The following ANKRD18B variants were observed in gnomAD, a reference collection of about 807,000 sequenced individuals.
ANKRD18B encodes ankyrin repeat domain 18B.
Under a neutral mutation model 111.8 loss-of-function variants are expected in ANKRD18B, and 75 were observed. That is an observed-to-expected ratio of 0.67 (90% confidence interval 0.56 to 0.81). The LOEUF is 0.81. ANKRD18B is among the 40% of genes least tolerant of loss of function. ANKRD18B has a pLI of 0.00. For missense variants in ANKRD18B, 1,038 were observed against 1,225.5 expected, an observed-to-expected ratio of 0.85 and a Z score of 2.28; for synonymous variants, 356 against 417.3, an observed-to-expected ratio of 0.85 and a Z score of 1.79.
At chr9:33,559,380 A>G (rs1004263405) in intron 14 of ANKRD18B, among the ~76,000 whole-genome samples, 20 of 152,130 alleles carry the variant, frequency 1.3e-4, no homozygotes, top group Admixed American at 1.3e-3. Flanking sequence ...CAAAAAATAT[A>G]TATTTGGGGG....
chr9:33,536,896 G>A lies in ANKRD18B; in HGVS notation c.759G>A (p.Leu253=), dbSNP rs1257050180. 9.4e-6 allele frequency: 14 copies of A among 1,492,522 alleles called. No homozygotes were observed. Among genetic ancestry groups the A allele is most frequent in the Non-Finnish European group, 9.0e-6 (10 of 1,111,834 alleles). 92.5% of individuals were successfully genotyped at this position (1,492,522 alleles called of 1,614,324 possible). ...TGCATAGCATCCAACAACAAATTTTGGAACATAAAAATAAGATGCTTAAAA... is the reference window on the plus strand; with the variant it reads ...TGCATAGCATCCAACAACAAATTTTAGAACATAAAAATAAGATGCTTAAAA... The part of the protein sequence containing the change: ...CDLRSIQQQI[L]EHKNKMLKNH... The change falls in exon 6 of 19, where the codon TTG becomes TTA. Residue 253 remains leucine (L), a synonymous_variant. Transcript: ENST00000684830.
At chr9:33,574,053 G>C (rs1828823169), downstream of ANKRD18B, among the ~76,000 whole-genome samples, 1 of 144,508 alleles carries the variant, frequency 6.9e-6, no homozygotes, top group South Asian at 2.3e-4. Flanking sequence ...TGGTCAGTGA[G>C]AGCCTGGTCA....
intron 1 of ANKRD18B, among the ~76,000 whole-genome samples, chr9:33,526,051 A>G (rs1001082789): frequency 5.3e-5 from 8 of 152,166 alleles, no homozygotes; most frequent in African/African-American, 1.7e-4. Context: ...TGTTTCTCCT[A>G]AGAGAATTTA....
chr9:33,553,997 A>G (rs1587270383), intron 12 of ANKRD18B, among the ~76,000 whole-genome samples: 1 of 151,570 alleles, frequency 6.6e-6, no homozygotes, highest in Admixed American at 6.6e-5. Flanking sequence ...ACTTGAACCC[A>G]GGAGGTGGAA....
intron 6 of ANKRD18B, among the ~76,000 whole-genome samples, chr9:33,539,081 A>C (rs1298056154): frequency 2.6e-5 from 4 of 152,230 alleles, no homozygotes; most frequent in Non-Finnish European, 5.9e-5. Context: ...TCATTCAAAT[A>C]CTTGTCCACT....
At chr9:33,542,850 A>G (rs1828300200) in intron 9 of ANKRD18B, among the ~76,000 whole-genome samples, 1 of 152,170 alleles carries the variant, frequency 6.6e-6, no homozygotes, top group Non-Finnish European at 1.5e-5. Context: ...GAAGCAGAGA[A>G]TAGTAAAGTG....
intron 9 of ANKRD18B, among the ~76,000 whole-genome samples, chr9:33,541,910 G>A (rs564798676): frequency 6.4e-4 from 97 of 152,218 alleles, no homozygotes; most frequent in African/African-American, 2.2e-3. Context: ...GCATTACTGA[G>A]CTGCTGGTGA....
rs1828120790 is a variant in ANKRD18B, at chr9:33,531,771, T to C, written c.496-1668T>C. Among the ~76,000 whole-genome samples the C allele has an allele frequency of 2.0e-5, 3 of 151,598 alleles. 1 individual carries two copies. Among genetic ancestry groups the C allele is most frequent in the Admixed American group, 2.0e-4 (3 of 15,216 alleles). The stretch of plus-strand genomic sequence containing the variant: ...TATATAAATCCCTCAATTATAGAGT[T>C]GAATTTTAGAATTCAGAAGTTTTTT... On this transcript the variant is annotated intron_variant, in intron 3 of 18. Transcript: ENST00000684830.
In ANKRD18B at chr9:33,545,613, T is replaced by C. The variant is rs185317784; in HGVS notation, c.1150-2325T>C. Among the ~76,000 whole-genome samples, 53 of 152,320 alleles carry C rather than the reference T, an allele frequency of 3.5e-4. 1 individual carries two copies. The highest frequency in any genetic ancestry group is 1.3e-3 in the African/African-American group (53 of 41,568). Reference sequence around the variant, plus strand: ...ACATATGACAGTCCCACTGCTAATATCTATAAAAGCATGAAACATGAATTA... The same window carrying C: ...ACATATGACAGTCCCACTGCTAATACCTATAAAAGCATGAAACATGAATTA... On this transcript the variant is annotated intron_variant, in intron 10 of 18. Coordinates refer to ENST00000684830, the MANE Select transcript of ANKRD18B (RefSeq NM_001393611.1).
intron 15 of ANKRD18B, 118 bp downstream of exon 15, chr9:33,566,618 T>C: frequency 1.6e-6 from 2 of 1,256,980 alleles, no homozygotes; most frequent in Non-Finnish European, 2.1e-6. Flanking sequence ...GCAATTTCCT[T>C]TGTAGAGCTC....
chr9:33,537,189 C>T (rs922769262), intron 6 of ANKRD18B, among the ~76,000 whole-genome samples: 8 of 151,888 alleles, frequency 5.3e-5, no homozygotes, highest in East Asian at 1.9e-4. Context: ...CCCAGCTACT[C>T]GGGAGGCTGA....
chr9:33,542,429 G>T (rs1006808356), intron 9 of ANKRD18B, among the ~76,000 whole-genome samples: 1 of 151,188 alleles, frequency 6.6e-6, no homozygotes, highest in African/African-American at 2.4e-5. Flanking sequence ...GTCACCCAGG[G>T]TGGAGTGCAA....
At chr9:33,531,361 T>G (rs1337662171) in intron 3 of ANKRD18B, among the ~76,000 whole-genome samples, 10 of 152,204 alleles carry the variant, frequency 6.6e-5, no homozygotes, top group Non-Finnish European at 1.3e-4. Flanking sequence ...CACAATCATT[T>G]AGCAACACAT....
rs1340714958 is a variant in ANKRD18B at position 33,534,524 on chromosome 9, A to G, written c.740+17A>G. 50 of 1,515,042 alleles carry G rather than the reference A, an allele frequency of 3.3e-5. No individual in the cohort carries two copies. Among genetic ancestry groups the G allele is most frequent in the Middle Eastern group, 1.7e-4 (1 of 5,806 alleles). 93.8% of individuals were successfully genotyped at this position (1,515,042 alleles called of 1,614,324 possible). On this transcript the variant is annotated intron_variant, in intron 5 of 18. Transcript: ENST00000684830. ...TTTGAGAAGGTATGTGCTTATATTAAAAGACCGGTTAATACTAAATTAAGG... is the reference window on the plus strand; with the variant it reads ...TTTGAGAAGGTATGTGCTTATATTAGAAGACCGGTTAATACTAAATTAAGG...
At chr9:33,556,212 T>C (rs1828524239) in intron 13 of ANKRD18B, among the ~76,000 whole-genome samples, 1 of 152,046 alleles carries the variant, frequency 6.6e-6, no homozygotes, top group Non-Finnish European at 1.5e-5. Flanking sequence ...AAAAGAAACT[T>C]ACAACACAAT....
At chr9:33,573,593 T>G (rs1828817684), downstream of ANKRD18B, among the ~76,000 whole-genome samples, 1 of 144,724 alleles carries the variant, frequency 6.9e-6, no homozygotes, top group Non-Finnish European at 1.6e-5. Context: ...AGTGTGAAGC[T>G]GGGTACCTGG....
chr9:33,543,058 T>C (rs1177377762), intron 9 of ANKRD18B, 127 bp from the exon 10 acceptor site: 1 of 946,686 alleles, frequency 1.1e-6, no homozygotes, highest in African/African-American at 1.7e-5. Flanking sequence ...AATATTCCAG[T>C]AAACATTAAG....
In ANKRD18B at chr9:33,566,550, T is replaced by C. The variant is rs1017175228; in HGVS notation, c.2742+50T>C. On this transcript the variant is annotated intron_variant, in intron 15 of 18. Transcript: ENST00000684830. ...TTATCTGTAATGGGCTTTCATTTAT[T>C]TCACTGCAAACTGTATTTTGGATGT... 7.0e-6 allele frequency: 11 copies of C among 1,569,312 alleles called. No individual in the cohort carries two copies. In the African/African-American group the frequency reaches 1.5e-4, roughly 22 times the overall value.
At chr9:33,551,065 T>C (rs1305377406) in intron 12 of ANKRD18B, among the ~76,000 whole-genome samples, 2 of 152,288 alleles carry the variant, frequency 1.3e-5, no homozygotes, top group East Asian at 3.9e-4. Context: ...AATGCACATG[T>C]TTTAGGTTAA....
Sources: gnomAD v4.1 joint callset for allele counts (sites outside exome capture counted in the v4.1 genomes callset) on GRCh38, gnomAD v4.1.1 for gene constraint, MANE v1.5 for transcripts, NCBI Gene and HGNC (gene_info 2026-07-23, HGNC 2026-07-21) for gene names.